FRAS1: variants seen among roughly 807,000 people sequenced by gnomAD.
FRAS1 encodes extracellular matrix organizing protein FRAS1.
Under a neutral mutation model 435.2 loss-of-function variants are expected in FRAS1, and 290 were observed. The ratio of observed to expected loss-of-function variants is 0.67; its 90% confidence interval spans 0.61 to 0.73. The LOEUF (loss-of-function observed/expected upper bound fraction) is 0.73, where lower values mean the gene tolerates loss of function less well. Among genes scored for constraint, FRAS1 ranks in the 30% least tolerant of loss-of-function variants. The probability of loss-of-function intolerance (pLI) is 0.00; values close to 1 mark genes in which losing one functional copy is unlikely to be tolerated. For synonymous variants in FRAS1, 1,800 were observed against 1,851.0 expected (o/e 0.97, Z 0.71); for missense variants, 4,860 against 5,001.5 (o/e 0.97, Z 0.85).
chr4:78,496,260 G>C (rs1720504363), intron 59 of FRAS1, among the ~76,000 whole-genome samples: 1 of 152,176 alleles, frequency 6.6e-6, no homozygotes, highest in South Asian at 2.1e-4. Context: ...GTACTCAGCA[G>C]TTTTCAGATG....
intron 70 of FRAS1, among the ~76,000 whole-genome samples, chr4:78,531,383 A>C (rs1423411739): frequency 6.6e-6 from 1 of 152,166 alleles, no homozygotes; most frequent in African/African-American, 2.4e-5. Flanking sequence ...TACGTTGAAT[A>C]GGAGTGGTGA....
intron 30 of FRAS1, among the ~76,000 whole-genome samples, chr4:78,401,701 GC>G (rs113954485): frequency 0.026 from 3,877 of 150,632 alleles, 172 homozygotes; most frequent in African/African-American, 0.089. Flanking sequence ...AGAGAAATCT[GC>G]CTCTTTCTTG....
chr4:78,441,172 G>A lies in FRAS1; in HGVS notation c.5540G>A (p.Gly1847Glu). Residue 1847 changes from glycine to glutamate, a missense_variant, in exon 41 of 74, where the codon GGA becomes GAA. Gly to Glu is a moderately conservative substitution (Grantham distance 98, BLOSUM62 -2). Transcript: ENST00000512123. ...AFADLITVDE[G>E]GRAPLSFHHF... ...TCTTTTCTTTCTTAGGTTGATGAGG[G>A]AGGGAGAGCACCACTCTCATTTCAC... The A allele has an allele frequency of 6.2e-7, 1 of 1,613,722 alleles. No individual in the cohort carries two copies. Among genetic ancestry groups the A allele is most frequent in the South Asian group, 1.1e-5 (1 of 91,054 alleles).
chr4:78,304,850 T>C (rs1009416459), intron 14 of FRAS1, among the ~76,000 whole-genome samples: 2 of 151,830 alleles, frequency 1.3e-5, no homozygotes, highest in Non-Finnish European at 2.9e-5. Flanking sequence ...GTTTTTTGTG[T>C]CTCTATTTCC....
chr4:78,299,724 G>T (rs1222626375), intron 14 of FRAS1, among the ~76,000 whole-genome samples: 1 of 152,134 alleles, frequency 6.6e-6, no homozygotes, highest in African/African-American at 2.4e-5. Flanking sequence ...ACTTTCCATG[G>T]CATGAAGTCC....
intron 2 of FRAS1, chr4:78,181,222 C>T: frequency 1.2e-6 from 2 of 1,609,852 alleles, no homozygotes; most frequent in South Asian, 2.2e-5. Flanking sequence ...TCCACTCATC[C>T]AAAGTCATCT....
chr4:78,251,920 A>AGAGAGC (rs748186606), intron 4 of FRAS1, among the ~76,000 whole-genome samples: 26 of 149,298 alleles, frequency 1.7e-4, no homozygotes, highest in African/African-American at 6.4e-4. Flanking sequence ...GGAACAGTTG[A>AGAGAGC]GAGAGAGAGA....
chr4:78,369,756 T>C lies in FRAS1; in HGVS notation c.2723-82T>C. ...AGGTTGGAACAAGGCTTTGTTCCTA[T>C]GCAACATCTGTCTAGGTTTGATCAG... On this transcript the variant is annotated intron_variant, in intron 22 of 73. Transcript: ENST00000512123. 8 of 1,294,414 alleles carry C rather than the reference T, an allele frequency of 6.2e-6. No homozygotes were observed. The South Asian group carries it at 1.2e-4, about 20-fold the overall frequency. The allele number at this position is 1,294,414 out of a possible 1,614,324, so 80.2% of individuals were successfully genotyped here. A position where few individuals can be genotyped will look rare whatever the true frequency, so the allele number is the denominator to read the frequency against.
Position 78,447,303 on chromosome 4 carries a change from A to AAAAAC in FRAS1, c.6010+424_6010+425insAAACA, listed in dbSNP as rs1161136937. Among the ~76,000 whole-genome samples the AAAAAC allele has an allele frequency of 7.4e-4, 110 of 147,750 alleles. 1 individual carries two copies. The highest frequency in any genetic ancestry group is 2.5e-4 in the Non-Finnish European group (17 of 67,100). On this transcript the variant is annotated intron_variant, in intron 43 of 73. Coordinates refer to ENST00000512123, the MANE Select transcript of FRAS1 (RefSeq NM_025074.7). Reference sequence around the variant, plus strand: ...GTTCCTTTTGTAAAAAAAAAAAAAAAACACTTTTCCTCATTTAAACCAGAT... The same window carrying AAAAAC: ...GTTCCTTTTGTAAAAAAAAAAAAAAAAAAACACACTTTTCCTCATTTAAACCAGAT...
At chr4:78,307,384 G>C (rs1282647759) in intron 14 of FRAS1, among the ~76,000 whole-genome samples, 2 of 152,220 alleles carry the variant, frequency 1.3e-5, no homozygotes, top group Admixed American at 6.5e-5. Context: ...AACTGTGGTG[G>C]GGTCCACCCA....
At position 78,518,448 on chromosome 4, in the gene FRAS1, ATATATT is replaced by A. The variant is rs1484412365; in HGVS notation, c.10390-879_10390-874del. Among the ~76,000 whole-genome samples, 20 of 135,858 alleles carry A rather than the reference ATATATT, an allele frequency of 1.5e-4. 1 individual carries two copies. The highest frequency in any genetic ancestry group is 4.5e-4 in the East Asian group (2 of 4,408). The allele number at this position is 135,858 out of a possible 152,430, so 89.1% of individuals were successfully genotyped here. On this transcript the variant is annotated intron_variant, in intron 66 of 73. Coordinates refer to ENST00000512123, the MANE Select transcript of FRAS1 (RefSeq NM_025074.7). ...TATATATATATATATATATATATAT[ATATATT>A]TATTTATTTATTTATTTGTGGAAAA...
chr4:78,225,759 T>G (rs1443789904), intron 2 of FRAS1, among the ~76,000 whole-genome samples: 1 of 152,188 alleles, frequency 6.6e-6, no homozygotes, highest in Non-Finnish European at 1.5e-5. Flanking sequence ...TAAATATATA[T>G]AAATACACAT....
intron 2 of FRAS1, among the ~76,000 whole-genome samples, chr4:78,091,978 CAAAAAAA>C (rs34804542): frequency 2.4e-5 from 2 of 83,732 alleles, no homozygotes; most frequent in Non-Finnish European, 4.2e-5. Flanking sequence ...GAGACTGTCT[CAAAAAAA>C]AAAAAAAAAA....
chr4:78,446,404 T>C (rs1718832478), intron 42 of FRAS1: 1 of 1,099,780 alleles, frequency 9.1e-7, no homozygotes, highest in Non-Finnish European at 1.1e-6. Flanking sequence ...TATGGTCTTT[T>C]ATCTTCAAAG....
rs1721914441 is a variant in FRAS1, at chr4:78,537,258, G to A, written c.11298+58G>A. 11 of 1,492,332 alleles carry A rather than the reference G, an allele frequency of 7.4e-6. No homozygotes were observed. In the South Asian group the frequency reaches 1.2e-4, roughly 16 times the overall value. 92.4% of individuals were successfully genotyped at this position (1,492,332 alleles called of 1,614,324 possible). On this transcript the variant is annotated intron_variant, in intron 72 of 73. Coordinates refer to ENST00000512123, the MANE Select transcript of FRAS1 (RefSeq NM_025074.7). Reference sequence around the variant, plus strand: ...GCAGACACTTGAGCAGATTTCCTCAGCTATGACTTCTGCCTAAAGTAGATA... The same window carrying A: ...GCAGACACTTGAGCAGATTTCCTCAACTATGACTTCTGCCTAAAGTAGATA...
chr4:78,485,904 C>G (rs1355100810), intron 58 of FRAS1, among the ~76,000 whole-genome samples: 2 of 152,216 alleles, frequency 1.3e-5, no homozygotes, highest in Non-Finnish European at 2.9e-5. Context: ...AACTCTCAGC[C>G]TTCTGCAGTG....
chr4:78,320,202 C>T (rs867595237), intron 18 of FRAS1, among the ~76,000 whole-genome samples: 11 of 152,296 alleles, frequency 7.2e-5, no homozygotes, highest in African/African-American at 2.6e-4. Context: ...GGTTTCTACC[C>T]ATGTATGCAT....
At chr4:78,265,378 G>GA (rs377718519) in intron 7 of FRAS1, among the ~76,000 whole-genome samples, 11 of 152,018 alleles carry the variant, frequency 7.2e-5, no homozygotes, top group African/African-American at 2.2e-4. Context: ...TCTTGAGGGG[G>GA]AAAAAAAGGG....
chr4:78,075,608 CTG>C (rs1330416218), intron 2 of FRAS1, among the ~76,000 whole-genome samples: 1 of 152,276 alleles, frequency 6.6e-6, no homozygotes, highest in Non-Finnish European at 1.5e-5. Flanking sequence ...CTCTTCACTA[CTG>C]TGTGACTCTG....
Sources: gnomAD v4.1 joint callset for allele counts (sites outside exome capture counted in the v4.1 genomes callset) on GRCh38, gnomAD v4.1.1 for gene constraint, MANE v1.5 for transcripts, NCBI Gene and HGNC (gene_info 2026-07-23, HGNC 2026-07-21) for gene names.